PDE4D: variants seen among roughly 807,000 people sequenced by gnomAD.
PDE4D encodes the protein phosphodiesterase 4D, also known as 3',5'-cyclic-AMP phosphodiesterase 4D.
In PDE4D, 24 loss-of-function variants were observed where a neutral mutation model predicts 87.4. The ratio of observed to expected loss-of-function variants is 0.27; its 90% confidence interval spans 0.20 to 0.39. The LOEUF is 0.39. Among genes scored for constraint, PDE4D ranks in the 10% least tolerant of loss-of-function variants. The pLI, the probability that PDE4D is intolerant of heterozygous loss-of-function variation, is 1.00. For synonymous variants in PDE4D, 384 were observed against 383.2 expected (o/e 1.00, Z -0.02); for missense variants, 714 against 1,041.0 (o/e 0.69, Z 4.32).
intron 1 of PDE4D, among the ~76,000 whole-genome samples, chr5:60,421,191 A>G (rs1229376604): frequency 6.6e-6 from 1 of 152,068 alleles, no homozygotes; most frequent in African/African-American, 2.4e-5. Flanking sequence ...TGGTTCTCCC[A>G]GCATGGCGTT....
At chr5:59,973,176 A>T (rs1217217857) in intron 3 of PDE4D, among the ~76,000 whole-genome samples, 2 of 152,240 alleles carry the variant, frequency 1.3e-5, no homozygotes, top group African/African-American at 4.8e-5. Context: ...ATGAATTTGT[A>T]TGAATGAAAT....
At chr5:59,227,741 A>C (rs1284464911) in intron 1 of PDE4D, among the ~76,000 whole-genome samples, 2 of 152,202 alleles carry the variant, frequency 1.3e-5, no homozygotes, top group Non-Finnish European at 2.9e-5. Flanking sequence ...AAAGTCAAAA[A>C]ATAACAGATG....
At chr5:59,545,884 C>T (rs1210366647) in intron 1 of PDE4D, among the ~76,000 whole-genome samples, 8 of 152,072 alleles carry the variant, frequency 5.3e-5, no homozygotes. Flanking sequence ...AGATTACAGG[C>T]ACAAAACCTG....
intron 1 of PDE4D, among the ~76,000 whole-genome samples, chr5:59,455,118 G>A (rs906588951): frequency 6.6e-6 from 1 of 152,232 alleles, no homozygotes; most frequent in African/African-American, 2.4e-5. Context: ...CAAGCCAGCT[G>A]CAGAAATCTG....
intron 1 of PDE4D, among the ~76,000 whole-genome samples, chr5:59,767,080 G>A (rs1762890147): frequency 6.6e-6 from 1 of 151,968 alleles, no homozygotes; most frequent in Non-Finnish European, 1.5e-5. Flanking sequence ...CCTGAGCACG[G>A]TCTTGTCACT....
intron 6 of PDE4D, among the ~76,000 whole-genome samples, chr5:59,006,861 T>C (rs977046045): frequency 2.6e-5 from 4 of 152,116 alleles, no homozygotes; most frequent in Non-Finnish European, 4.4e-5. Context: ...CATTTTTGAA[T>C]AGGGAAAAAC....
In PDE4D at chr5:59,174,710, T is replaced by C. The variant is rs143383385; in HGVS notation, c.808+5885A>G. Among the ~76,000 whole-genome samples, 703 of 152,308 alleles carry C rather than the reference T, an allele frequency of 4.6e-3. 3 individuals are homozygous for C. The highest frequency in any genetic ancestry group is 0.016 in the African/African-American group (679 of 41,566). Reference sequence around the variant, plus strand: ...CTTCATTTACTTTCTCTAAAGCATATACTTCCACGGTGGGTATAAAGGCCA... The same window carrying C: ...CTTCATTTACTTTCTCTAAAGCATACACTTCCACGGTGGGTATAAAGGCCA... On this transcript the variant is annotated intron_variant, in intron 5 of 14. Transcript: ENST00000340635.
chr5:59,077,655 A>G (rs939500919), intron 5 of PDE4D, among the ~76,000 whole-genome samples: 6 of 151,876 alleles, frequency 4.0e-5, no homozygotes, highest in African/African-American at 1.5e-4. Flanking sequence ...GATTTTCAAG[A>G]TTTGTCAAGA....
At chr5:59,553,990 G>T (rs548330787) in intron 1 of PDE4D, among the ~76,000 whole-genome samples, 1 of 152,052 alleles carries the variant, frequency 6.6e-6, no homozygotes, top group African/African-American at 2.4e-5. Context: ...CTGGCATAAT[G>T]CTAGATGTTA....
At chr5:59,556,414 A>C (rs78693747) in intron 1 of PDE4D, among the ~76,000 whole-genome samples, 4,133 of 152,252 alleles carry the variant, frequency 0.027, 193 homozygotes, top group African/African-American at 0.093. Context: ...CTGAAATATT[A>C]GAGTGGAGAG....
intron 2 of PDE4D, among the ~76,000 whole-genome samples, chr5:60,058,800 C>T (rs1168881956): frequency 1.3e-5 from 2 of 151,960 alleles, no homozygotes; most frequent in Admixed American, 6.6e-5. Context: ...TATTGTCACT[C>T]ATACGAGAGA....
At chr5:60,416,628 A>G (rs1353421461) in intron 1 of PDE4D, among the ~76,000 whole-genome samples, 1 of 151,796 alleles carries the variant, frequency 6.6e-6, no homozygotes, top group African/African-American at 2.4e-5. Flanking sequence ...AGAAGGAACA[A>G]ACTCTGGACA....
intron 2 of PDE4D, among the ~76,000 whole-genome samples, chr5:60,081,676 T>C (rs1773969455): frequency 6.6e-6 from 1 of 151,958 alleles, no homozygotes; most frequent in Non-Finnish European, 1.5e-5. Context: ...AGCAGGTTGT[T>C]CAATTTCCAT....
chr5:59,319,100 G>T (rs747784832), intron 1 of PDE4D, among the ~76,000 whole-genome samples: 1 of 151,946 alleles, frequency 6.6e-6, no homozygotes, highest in African/African-American at 2.4e-5. Context: ...GCTCATCATA[G>T]AGCTGTGTGC....
intron 1 of PDE4D, among the ~76,000 whole-genome samples, chr5:59,676,761 C>T (rs1044452417): frequency 1.4e-4 from 21 of 152,140 alleles, no homozygotes; most frequent in African/African-American, 4.8e-4. Context: ...TATGTTCCAA[C>T]ATTTTTCATT....
intron 1 of PDE4D, among the ~76,000 whole-genome samples, chr5:59,580,045 T>A (rs1425439370): frequency 6.6e-6 from 1 of 152,222 alleles, no homozygotes; most frequent in Non-Finnish European, 1.5e-5. Context: ...TCCTACATAC[T>A]TAGCCAGGCT....
chr5:59,651,867 G>A (rs2150242238), intron 1 of PDE4D, among the ~76,000 whole-genome samples: 1 of 152,276 alleles, frequency 6.6e-6, no homozygotes, highest in East Asian at 1.9e-4. Flanking sequence ...TCCCCTTCAA[G>A]AATGAAAGAC....
intron 1 of PDE4D, among the ~76,000 whole-genome samples, chr5:60,495,727 G>A (rs1180420071): frequency 6.6e-6 from 1 of 152,192 alleles, no homozygotes; most frequent in Admixed American, 6.5e-5. Flanking sequence ...AATAAGAAGA[G>A]GGATACAGTA....
At chr5:59,826,807 G>T (rs1226636711) in intron 1 of PDE4D, among the ~76,000 whole-genome samples, 1 of 152,066 alleles carries the variant, frequency 6.6e-6, no homozygotes, top group Non-Finnish European at 1.5e-5. Flanking sequence ...ACAAGGAAAT[G>T]CTACTATCAA....
Sources: gnomAD v4.1 joint callset for allele counts (sites outside exome capture counted in the v4.1 genomes callset) on GRCh38, gnomAD v4.1.1 for gene constraint, MANE v1.5 for transcripts, NCBI Gene and HGNC (gene_info 2026-07-23, HGNC 2026-07-21) for gene names.